NME7: variants seen among roughly 807,000 people sequenced by gnomAD.
NME7 encodes nucleoside diphosphate kinase 7.
In NME7, 41 loss-of-function variants were observed where a neutral mutation model predicts 49.1. The ratio of observed to expected loss-of-function variants is 0.83; its 90% CI spans 0.65 to 1.08. NME7 has a LOEUF of 1.08. NME7 is among the 50% of genes least tolerant of loss of function. NME7 has a pLI of 0.00. For synonymous variants in NME7, 139 were observed against 150.6 expected, an observed-to-expected ratio of 0.92 and a Z score of 0.56; for missense variants, 423 against 463.4, an observed-to-expected ratio of 0.91 and a Z score of 0.80.
chr1:169,153,620 A>C (rs1658971577), intron 11 of NME7, among the ~76,000 whole-genome samples: 1 of 152,152 alleles, frequency 6.6e-6, no homozygotes, highest in African/African-American at 2.4e-5. Context: ...CTATCTGGTA[A>C]CATTCTCTTA....
chr1:169,219,087 T>C (rs1661064474), intron 10 of NME7, among the ~76,000 whole-genome samples: 1 of 152,152 alleles, frequency 6.6e-6, no homozygotes, highest in Non-Finnish European at 1.5e-5. Context: ...TAACTCCTTC[T>C]TTAAATTATA....
chr1:169,320,681 A>G (rs1391678135), intron 3 of NME7, among the ~76,000 whole-genome samples: 1 of 152,202 alleles, frequency 6.6e-6, no homozygotes, highest in Non-Finnish European at 1.5e-5. Flanking sequence ...TGGTTGTTGG[A>G]TTTACTAACC....
intron 1 of NME7, among the ~76,000 whole-genome samples, chr1:169,334,029 T>C (rs1652365801): frequency 6.6e-6 from 1 of 152,208 alleles, no homozygotes; most frequent in African/African-American, 2.4e-5. Flanking sequence ...GCAAAATATT[T>C]TTGTTCATAC....
At chr1:169,263,662 A>G (rs1194766615) in intron 7 of NME7, among the ~76,000 whole-genome samples, 1 of 133,880 alleles carries the variant, frequency 7.5e-6, no homozygotes, top group East Asian at 2.0e-4. Context: ...AAGAAAGAAA[A>G]CAAGTTGAAA....
At chr1:169,232,732 C>CA (rs1246327887) in intron 9 of NME7, among the ~76,000 whole-genome samples, 3 of 151,674 alleles carry the variant, frequency 2.0e-5, no homozygotes, top group African/African-American at 7.3e-5. Flanking sequence ...AATTCACCAT[C>CA]AGAAGCATTA....
intron 7 of NME7, among the ~76,000 whole-genome samples, chr1:169,279,843 T>C (rs1649929630): frequency 1.3e-5 from 2 of 152,098 alleles, no homozygotes; most frequent in Admixed American, 1.3e-4. Flanking sequence ...CCTCCCCACA[T>C]TTTCTTAATT....
At chr1:169,265,421 T>G (rs560978393) in intron 7 of NME7, among the ~76,000 whole-genome samples, 7 of 133,920 alleles carry the variant, frequency 5.2e-5, no homozygotes, top group African/African-American at 1.5e-4. Flanking sequence ...ATCAAGAAGT[T>G]CTTTGAAATG....
intron 11 of NME7, among the ~76,000 whole-genome samples, chr1:169,163,682 C>G (rs537400275): frequency 4.1e-4 from 63 of 152,128 alleles, no homozygotes; most frequent in African/African-American, 1.5e-3. Flanking sequence ...AAAAAAAATG[C>G]CCTTTTATGT....
intron 10 of NME7, among the ~76,000 whole-genome samples, chr1:169,211,286 G>C (rs1000000494): frequency 6.6e-6 from 1 of 152,042 alleles, no homozygotes; most frequent in African/African-American, 2.4e-5. Flanking sequence ...TGGTTTTATA[G>C]GGGAAAACAT....
intron 7 of NME7, among the ~76,000 whole-genome samples, chr1:169,283,510 C>A (rs544465006): frequency 6.6e-6 from 1 of 152,092 alleles, no homozygotes; most frequent in Non-Finnish European, 1.5e-5. Flanking sequence ...GGTTGTTTTG[C>A]CCATTAGTTA....
At chr1:169,184,681 A>C (rs1350335332) in intron 10 of NME7, among the ~76,000 whole-genome samples, 1 of 152,164 alleles carries the variant, frequency 6.6e-6, no homozygotes, top group East Asian at 1.9e-4. Flanking sequence ...TGATACCTAT[A>C]ATTTGTGAGG....
intron 3 of NME7, among the ~76,000 whole-genome samples, chr1:169,315,699 A>T (rs1387725579): frequency 6.6e-6 from 1 of 152,192 alleles, no homozygotes; most frequent in Non-Finnish European, 1.5e-5. Flanking sequence ...GCTAGATTCC[A>T]ATACAAAAAG....
chr1:169,174,882 G>A (rs12125985), intron 10 of NME7, among the ~76,000 whole-genome samples: 56,417 of 151,950 alleles, frequency 0.37, 11,049 homozygotes, highest in East Asian at 0.73. Flanking sequence ...GTATACTACT[G>A]CAGACTTTAT....
At chr1:169,355,522 C>A (rs1385404587) in intron 1 of NME7, among the ~76,000 whole-genome samples, 3 of 150,172 alleles carry the variant, frequency 2.0e-5, no homozygotes, top group Non-Finnish European at 3.0e-5. Context: ...GCCTCTGCCA[C>A]CCTCTCCCTC....
At chr1:169,279,738 G>T (rs149947038) in intron 7 of NME7, among the ~76,000 whole-genome samples, 10,637 of 152,222 alleles carry the variant, frequency 0.07, 1,480 homozygotes, top group East Asian at 0.66. Flanking sequence ...AGATGAACCC[G>T]GTACCTCAGA....
rs1436739451 is a variant in NME7 at position 169,258,396 on chromosome 1, A to G, written c.755-20709T>C. 6.1e-5 allele frequency among the ~76,000 whole-genome samples: 5 copies of G among 81,970 alleles called. 1 individual carries two copies. Among genetic ancestry groups the G allele is most frequent in the East Asian group, 3.9e-3 (1 of 256 alleles). 53.8% of individuals were successfully genotyped at this position (81,970 alleles called of 152,430 possible). On this transcript the variant is annotated intron_variant, in intron 7 of 11. Transcript: ENST00000367811. ...AAAACATATATATATATATATATAT[A>G]TATATATATACACACACACACACAC...
chr1:169,202,986 G>C (rs1366422333), intron 10 of NME7, among the ~76,000 whole-genome samples: 1 of 152,020 alleles, frequency 6.6e-6, no homozygotes, highest in Admixed American at 6.6e-5. Context: ...AGGGAGGGTG[G>C]GTCCTCAGTT....
At chr1:169,167,259 T>C (rs1198841175) in intron 11 of NME7, among the ~76,000 whole-genome samples, 4 of 152,144 alleles carry the variant, frequency 2.6e-5, no homozygotes. Flanking sequence ...ATATGTCTAA[T>C]AAATTCCAGG....
chr1:169,164,077 T>A (rs144426250), intron 11 of NME7, among the ~76,000 whole-genome samples: 2,171 of 147,144 alleles, frequency 0.015, 56 homozygotes, highest in African/African-American at 0.052. Context: ...ACCACTGCAC[T>A]CCAGCCTGGG....
Sources: gnomAD v4.1 joint callset for allele counts (sites outside exome capture counted in the v4.1 genomes callset) on GRCh38, gnomAD v4.1.1 for gene constraint, MANE v1.5 for transcripts, NCBI Gene and HGNC (gene_info 2026-07-23, HGNC 2026-07-21) for gene names.